The following TTC39B variants were observed in gnomAD, a reference collection of about 807,000 sequenced individuals.
TTC39B encodes tetratricopeptide repeat domain 39B.
A neutral mutation model predicts 96.6 loss-of-function variants in TTC39B; 92 were observed. The ratio of observed to expected loss-of-function variants is 0.95; its 90% CI spans 0.80 to 1.13. The LOEUF is 1.13. Among genes scored for constraint, TTC39B ranks in the 50% most tolerant of loss-of-function variants. The probability of loss-of-function intolerance (pLI) is 0.00; values close to 1 mark genes in which losing one functional copy is unlikely to be tolerated. For synonymous variants in TTC39B, 367 were observed against 299.4 expected, an observed-to-expected ratio of 1.23 and a Z score of -2.33; for missense variants, 955 against 809.3, an observed-to-expected ratio of 1.18 and a Z score of -2.18.
At chr9:15,255,663 A>C (rs1203489520) in intron 2 of TTC39B, among the ~76,000 whole-genome samples, 1 of 152,202 alleles carries the variant, frequency 6.6e-6, no homozygotes, top group African/African-American at 2.4e-5. Context: ...ATCCTTTAAG[A>C]TTCTGACACT....
At chr9:15,241,371 C>G (rs1822032703) in intron 2 of TTC39B, among the ~76,000 whole-genome samples, 1 of 151,584 alleles carries the variant, frequency 6.6e-6, no homozygotes, top group Non-Finnish European at 1.5e-5. Context: ...AAAGATAATG[C>G]TCTAAGTGGA....
At chr9:15,273,372 G>C (rs1447445158) in intron 1 of TTC39B, among the ~76,000 whole-genome samples, 1 of 152,140 alleles carries the variant, frequency 6.6e-6, no homozygotes, top group African/African-American at 2.4e-5. Context: ...AGAAGGAAAA[G>C]GAAGTAGGAA....
intron 7 of TTC39B, among the ~76,000 whole-genome samples, chr9:15,201,852 CTCAA>C (rs1308778273): frequency 6.6e-6 from 1 of 152,142 alleles, no homozygotes; most frequent in East Asian, 1.9e-4. Flanking sequence ...TACTGCCATA[CTCAA>C]TCAATCAGAG....
At chr9:15,261,216 T>C (rs1429487859) in intron 2 of TTC39B, among the ~76,000 whole-genome samples, 7 of 152,136 alleles carry the variant, frequency 4.6e-5, no homozygotes, top group African/African-American at 9.7e-5. Context: ...CAGTAGCTCA[T>C]GTCTGTAATC....
chr9:15,192,343 A>G lies in TTC39B; in HGVS notation c.930+247T>C, dbSNP rs190475719. 2.1e-3 allele frequency among the ~76,000 whole-genome samples: 318 copies of G among 152,320 alleles called. 1 individual carries two copies. Among genetic ancestry groups the G allele is most frequent in the African/African-American group, 7.1e-3 (297 of 41,562 alleles). Reference sequence around the variant, plus strand: ...ATGGATTCCACTGTTCCTTGTTACCAAAAACCTTACTAGTCTATTCAGAGT... The same window carrying G: ...ATGGATTCCACTGTTCCTTGTTACCGAAAACCTTACTAGTCTATTCAGAGT... On this transcript the variant is annotated intron_variant, in intron 9 of 19. Coordinates refer to ENST00000512701, the Ensembl canonical transcript of TTC39B.
chr9:15,213,523 T>A (rs1310773107), intron 4 of TTC39B, among the ~76,000 whole-genome samples: 1 of 152,176 alleles, frequency 6.6e-6, no homozygotes, highest in Non-Finnish European at 1.5e-5. Flanking sequence ...TTGCCGACTT[T>A]TATGCCCAAG....
intron 1 of TTC39B, among the ~76,000 whole-genome samples, chr9:15,284,131 G>A (rs1271671936): frequency 6.6e-6 from 1 of 152,130 alleles, no homozygotes; most frequent in Non-Finnish European, 1.5e-5. Flanking sequence ...AAAGATAAAG[G>A]GTGTGACATG....
chr9:15,233,620 G>T (rs916306605), intron 2 of TTC39B, among the ~76,000 whole-genome samples: 4 of 152,174 alleles, frequency 2.6e-5, no homozygotes, highest in Non-Finnish European at 5.9e-5. Context: ...GGCCTCCCGA[G>T]GTGCCGGGAT....
chr9:15,253,877 C>A (rs1247220020), intron 2 of TTC39B, among the ~76,000 whole-genome samples: 1 of 152,104 alleles, frequency 6.6e-6, no homozygotes, highest in Non-Finnish European at 1.5e-5. Context: ...AATATTTAAA[C>A]AATAACATCT....
intron 1 of TTC39B, among the ~76,000 whole-genome samples, chr9:15,275,654 G>C (rs1823516045): frequency 6.6e-6 from 1 of 152,148 alleles, no homozygotes; most frequent in Admixed American, 6.5e-5. Flanking sequence ...AGGAGATAGA[G>C]GAAGGGAGGA....
chr9:15,294,633 CAGGAA>C (rs113004601), intron 1 of TTC39B, among the ~76,000 whole-genome samples: 1 of 152,138 alleles, frequency 6.6e-6, no homozygotes, highest in African/African-American at 2.4e-5. Context: ...CCCTCCCACT[CAGGAA>C]AGGAAAGGAA....
At chr9:15,209,218 G>T (rs1213918178) in intron 6 of TTC39B, among the ~76,000 whole-genome samples, 1 of 151,748 alleles carries the variant, frequency 6.6e-6, no homozygotes, top group Non-Finnish European at 1.5e-5. Flanking sequence ...AAACTATTGT[G>T]GACTAGAGTG....
exon 20 of TTC39B, chr9:15,171,854 A>G (rs1433157068): frequency 4.5e-6 from 2 of 448,194 alleles, no homozygotes; most frequent in Non-Finnish European, 3.9e-6. Flanking sequence ...AGGAAAAAAA[A>G]TTATGTAGAC....
At chr9:15,304,310 C>A (rs1824687884) in intron 1 of TTC39B, among the ~76,000 whole-genome samples, 1 of 152,182 alleles carries the variant, frequency 6.6e-6, no homozygotes, top group South Asian at 2.1e-4. Flanking sequence ...GTGTAATACA[C>A]AAGAAAACCC....
At chr9:15,278,457 A>G (rs1013454849) in intron 1 of TTC39B, among the ~76,000 whole-genome samples, 3 of 152,244 alleles carry the variant, frequency 2.0e-5, no homozygotes, top group Admixed American at 6.5e-5. Flanking sequence ...TACTGCTTTT[A>G]TGGCTGTACA....
chr9:15,264,414 G>T (rs1239268910), intron 2 of TTC39B, among the ~76,000 whole-genome samples: 1 of 152,102 alleles, frequency 6.6e-6, no homozygotes, highest in Non-Finnish European at 1.5e-5. Flanking sequence ...CACTTTGGGG[G>T]AGGCCAAGGC....
chr9:15,247,955 T>C (rs1325971371), intron 2 of TTC39B, among the ~76,000 whole-genome samples: 1 of 152,196 alleles, frequency 6.6e-6, no homozygotes, highest in Non-Finnish European at 1.5e-5. Flanking sequence ...ATGATGGAGT[T>C]ACAATCAGGA....
At chr9:15,185,657 C>T (rs1205758141) in intron 15 of TTC39B, 2 of 386,014 alleles carry the variant, frequency 5.2e-6, no homozygotes, top group East Asian at 1.2e-4. Flanking sequence ...AGATTGAGAA[C>T]CACTGACTGA....
intron 4 of TTC39B, among the ~76,000 whole-genome samples, chr9:15,213,230 G>A (rs1820309369): frequency 6.6e-6 from 1 of 152,078 alleles, no homozygotes; most frequent in Non-Finnish European, 1.5e-5. Flanking sequence ...GAAGTCTGAG[G>A]GACAGAGGAG....
Sources: gnomAD v4.1 joint callset for allele counts (sites outside exome capture counted in the v4.1 genomes callset) on GRCh38, gnomAD v4.1.1 for gene constraint, MANE v1.5 for transcripts, NCBI Gene and HGNC (gene_info 2026-07-23, HGNC 2026-07-21) for gene names.